Variants in GHR observed in about 807,000 individuals in gnomAD.
GHR encodes growth hormone receptor.
In GHR, 35 loss-of-function variants were observed where a neutral mutation model predicts 67.1. The ratio of observed to expected loss-of-function variants is 0.52; its 90% CI spans 0.40 to 0.69. The LOEUF is 0.69. Ranked by LOEUF, GHR falls within the 30% of genes least tolerant of loss-of-function variation. GHR has a pLI of 0.00. For missense variants in GHR, 792 were observed against 764.6 expected (o/e 1.04, Z -0.42); for synonymous variants, 272 against 269.1 (o/e 1.01, Z -0.10).
chr5:42,703,101 C>T (rs1297828412), intron 6 of GHR, among the ~76,000 whole-genome samples: 2 of 151,874 alleles, frequency 1.3e-5, no homozygotes, highest in African/African-American at 4.8e-5. Flanking sequence ...TTGCCTGTTC[C>T]CAATGGAGTC....
At chr5:42,454,101 T>C (rs1744160616) in intron 1 of GHR, among the ~76,000 whole-genome samples, 1 of 152,216 alleles carries the variant, frequency 6.6e-6, no homozygotes, top group South Asian at 2.1e-4. Context: ...GTTACCAGGC[T>C]CTGGGCTGGT....
chr5:42,563,858 G>T (rs554881587), intron 1 of GHR, among the ~76,000 whole-genome samples: 31 of 152,126 alleles, frequency 2.0e-4, no homozygotes, highest in African/African-American at 7.5e-4. Context: ...CAACAGGATG[G>T]CATTTTTAGC....
At chr5:42,447,780 T>C (rs1335318979) in intron 1 of GHR, among the ~76,000 whole-genome samples, 1 of 148,520 alleles carries the variant, frequency 6.7e-6, no homozygotes, top group East Asian at 2.1e-4. Context: ...TCTCTCTTTC[T>C]TTCCTCTTTC....
intron 1 of GHR, among the ~76,000 whole-genome samples, chr5:42,535,937 G>C (rs940845017): frequency 6.6e-6 from 1 of 151,998 alleles, no homozygotes; most frequent in Non-Finnish European, 1.5e-5. Context: ...TGTAAAAGGG[G>C]TTGAGTTCTT....
chr5:42,593,097 C>G (rs1410207748), intron 2 of GHR, among the ~76,000 whole-genome samples: 1 of 152,140 alleles, frequency 6.6e-6, no homozygotes, highest in African/African-American at 2.4e-5. Flanking sequence ...GTTAATTATA[C>G]AAGTATTACT....
intron 1 of GHR, among the ~76,000 whole-genome samples, chr5:42,487,459 A>T (rs1336094014): frequency 6.6e-6 from 1 of 152,212 alleles, no homozygotes; most frequent in African/African-American, 2.4e-5. Context: ...GCTAATAAAG[A>T]TTATACTTAG....
At chr5:42,540,182 ATT>A (rs1491380445) in intron 1 of GHR, among the ~76,000 whole-genome samples, 11 of 78,446 alleles carry the variant, frequency 1.4e-4, no homozygotes, top group African/African-American at 5.6e-4. Flanking sequence ...GTGTTACTGT[ATT>A]CTCTCTCTCT....
intron 3 of GHR, among the ~76,000 whole-genome samples, chr5:42,663,306 G>T (rs942949610): frequency 6.6e-6 from 1 of 152,172 alleles, no homozygotes; most frequent in Admixed American, 6.5e-5. Context: ...GAGAATTTTA[G>T]GCCAATATCC....
At chr5:42,680,311 G>A (rs1357425086) in intron 3 of GHR, among the ~76,000 whole-genome samples, 2 of 152,132 alleles carry the variant, frequency 1.3e-5, no homozygotes, top group African/African-American at 2.4e-5. Flanking sequence ...ATCCAGATCA[G>A]GGTGACTGAG....
At chr5:42,560,534 C>T (rs1749549510) in intron 1 of GHR, among the ~76,000 whole-genome samples, 1 of 152,126 alleles carries the variant, frequency 6.6e-6, no homozygotes, top group Admixed American at 6.5e-5. Context: ...GTTATGGAGA[C>T]TTGTCACCAA....
rs532817856 is a variant in GHR, at chr5:42,626,160, G to A, written c.71-2878G>A. Among the ~76,000 whole-genome samples the A allele has an allele frequency of 5.3e-5, 8 of 152,144 alleles. No individual in the cohort carries two copies. In the South Asian group the frequency reaches 1.7e-3, roughly 32 times the overall value. ...AGATTCTTCAGTGGGACACCAACTG[G>A]GTGTTCTCAAATTCAATTCAATTCT... is the stretch of plus-strand genomic sequence containing the variant. On this transcript the variant is annotated intron_variant, in intron 2 of 9. Coordinates refer to ENST00000230882, the MANE Select transcript of GHR (RefSeq NM_000163.5).
intron 1 of GHR, among the ~76,000 whole-genome samples, chr5:42,542,945 T>C (rs917475778): frequency 7.9e-5 from 12 of 152,166 alleles, no homozygotes; most frequent in African/African-American, 2.9e-4. Flanking sequence ...TCCATCCAAG[T>C]TGCTGCAAAA....
rs116949199 is a variant in GHR at position 42,590,337 on chromosome 5, T to A, written c.70+24393T>A. Among the ~76,000 whole-genome samples the A allele has an allele frequency of 6.0e-4, 91 of 152,280 alleles. 1 individual carries two copies. The East Asian group carries it at 0.016, about 27-fold the overall frequency. On this transcript the variant is annotated intron_variant, in intron 2 of 9. Coordinates refer to ENST00000230882, the MANE Select transcript of GHR (RefSeq NM_000163.5). ...ATATAACCATTTAGAGATTTAAGGA[T>A]TAAAATCAGGAGGGAAGGAGAAATG...
chr5:42,620,370 A>G (rs1334093613), intron 2 of GHR, among the ~76,000 whole-genome samples: 1 of 152,192 alleles, frequency 6.6e-6, no homozygotes, highest in Non-Finnish European at 1.5e-5. Flanking sequence ...TTAAGGAACT[A>G]TGCTAATGCT....
intron 2 of GHR, among the ~76,000 whole-genome samples, chr5:42,590,487 A>G (rs1396606063): frequency 1.3e-5 from 2 of 152,202 alleles, no homozygotes; most frequent in East Asian, 1.9e-4. Flanking sequence ...TGTTGGCAGC[A>G]TGAGAGAGAT....
At chr5:42,571,007 C>G (rs1750274490) in intron 2 of GHR, among the ~76,000 whole-genome samples, 1 of 152,178 alleles carries the variant, frequency 6.6e-6, no homozygotes, top group Admixed American at 6.5e-5. Context: ...TACTCAGAGT[C>G]TAATTAACCT....
chr5:42,556,046 C>G (rs1001569940), intron 1 of GHR, among the ~76,000 whole-genome samples: 2 of 152,094 alleles, frequency 1.3e-5, no homozygotes, highest in African/African-American at 4.8e-5. Context: ...CCTGGGAGAT[C>G]ACATTGCCTC....
intron 1 of GHR, among the ~76,000 whole-genome samples, chr5:42,430,956 G>T (rs531585167): frequency 1.3e-5 from 2 of 152,178 alleles, no homozygotes; most frequent in South Asian, 4.2e-4. Flanking sequence ...TCCTCTCCAA[G>T]CTCTGCCTTT....
intron 1 of GHR, among the ~76,000 whole-genome samples, chr5:42,556,763 G>A (rs997369203): frequency 3.9e-5 from 6 of 152,260 alleles, no homozygotes; most frequent in Admixed American, 6.5e-5. Flanking sequence ...GGATAGTTGC[G>A]GGGAGGCATT....
Sources: allele counts gnomAD v4.1 joint callset (sites outside exome capture counted in the v4.1 genomes callset), GRCh38; gene constraint gnomAD v4.1.1; transcripts MANE v1.5; gene names NCBI Gene and HGNC (gene_info 2026-07-23, HGNC 2026-07-21).